HDAC4: variants seen among roughly 807,000 people sequenced by gnomAD.
The protein encoded by HDAC4 is histone deacetylase 4, also known as histone deacetylase A.
In HDAC4, 16 loss-of-function variants were observed where a neutral mutation model predicts 135.1. That is an observed-to-expected ratio of 0.12 (90% CI 0.08 to 0.18). The LOEUF (loss-of-function observed/expected upper bound fraction) is 0.18. Among genes scored for constraint, HDAC4 ranks in the 10% least tolerant of loss-of-function variants. The pLI is 1.00. For synonymous variants in HDAC4, 685 were observed against 653.4 expected, an observed-to-expected ratio of 1.05 and a Z score of -0.74; for missense variants, 1,143 against 1,511.8, an observed-to-expected ratio of 0.76 and a Z score of 4.05.
intron 2 of HDAC4, among the ~76,000 whole-genome samples, chr2:239,237,312 G>A (rs1169998384): frequency 6.6e-6 from 1 of 152,012 alleles, no homozygotes; most frequent in Non-Finnish European, 1.5e-5. Flanking sequence ...GATTTAGACC[G>A]CCTGGGATTT....
At chr2:239,140,479 C>G (rs572746603) in intron 8 of HDAC4, among the ~76,000 whole-genome samples, 1 of 152,204 alleles carries the variant, frequency 6.6e-6, no homozygotes, top group African/African-American at 2.4e-5. Flanking sequence ...ATTTTGGGCA[C>G]ACACATCCAC....
rs183904495 is a variant in HDAC4, at chr2:239,391,315, C to A, written c.-220+9663G>T. On this transcript the variant is annotated intron_variant, in intron 1 of 26. Transcript: ENST00000543185. ...CAGTCCCTGCAAGGACAAAGGCAGACGAGAGCTTGTTCTCAAACTGTACTA... is the reference window on the plus strand; with the variant it reads ...CAGTCCCTGCAAGGACAAAGGCAGAAGAGAGCTTGTTCTCAAACTGTACTA... Among the ~76,000 whole-genome samples the A allele has an allele frequency of 5.3e-5, 8 of 152,308 alleles. No individual in the cohort carries two copies. In the South Asian group the frequency reaches 1.0e-3, roughly 20 times the overall value.
chr2:239,147,079 G>A (rs969115156), intron 7 of HDAC4, among the ~76,000 whole-genome samples: 3 of 152,214 alleles, frequency 2.0e-5, no homozygotes, highest in African/African-American at 7.2e-5. Flanking sequence ...TGACTCCCCC[G>A]CAGAACCTAT....
chr2:239,105,438 G>A (rs966181913), intron 15 of HDAC4, among the ~76,000 whole-genome samples: 3 of 152,220 alleles, frequency 2.0e-5, no homozygotes, highest in South Asian at 2.1e-4. Flanking sequence ...TGCTCAGAAC[G>A]TGTGAGGCAG....
intron 3 of HDAC4, among the ~76,000 whole-genome samples, chr2:239,195,144 C>T (rs2045290931): frequency 6.6e-6 from 1 of 152,168 alleles, no homozygotes; most frequent in Non-Finnish European, 1.5e-5. Context: ...TCGCTGTTCT[C>T]ACTACGGCAC....
At chr2:239,178,672 C>G (rs754859876) in intron 4 of HDAC4, among the ~76,000 whole-genome samples, 2 of 152,238 alleles carry the variant, frequency 1.3e-5, no homozygotes. Flanking sequence ...GCGTGAGCTG[C>G]CTCACCCGGC....
rs1160357359 is a variant in HDAC4, at chr2:239,053,396, AGT to A, written c.3230+62_3230+63del. On this transcript the variant is annotated intron_variant, in intron 26 of 26. Coordinates refer to ENST00000543185, the MANE Select transcript of HDAC4 (RefSeq NM_001378414.1). ...TGCCATAAAGGTTCTGACCCTGAAT[AGT>A]GTGTCAGTGGGCACAGTGGGGCTGG... 9 of 1,581,004 alleles carry A rather than the reference AGT, an allele frequency of 5.7e-6. 1 individual carries two copies. The East Asian group carries it at 1.3e-4, about 24-fold the overall frequency.
intron 2 of HDAC4, among the ~76,000 whole-genome samples, chr2:239,286,408 A>T (rs1011174272): frequency 2.0e-5 from 3 of 152,190 alleles, no homozygotes; most frequent in African/African-American, 7.2e-5. Context: ...AAAATACAAA[A>T]ATGAAGGAGA....
intron 15 of HDAC4, among the ~76,000 whole-genome samples, chr2:239,104,071 A>C (rs1369416509): frequency 6.6e-6 from 1 of 152,190 alleles, no homozygotes; most frequent in Non-Finnish European, 1.5e-5. Flanking sequence ...TCCGGTGGTA[A>C]AAAACGACTC....
intron 6 of HDAC4, among the ~76,000 whole-genome samples, chr2:239,162,865 T>A (rs886986801): frequency 6.6e-6 from 1 of 152,176 alleles, no homozygotes. Context: ...GGGGTCTCAC[T>A]ACACATAGCT....
intron 2 of HDAC4, among the ~76,000 whole-genome samples, chr2:239,253,184 T>C (rs1207382875): frequency 6.6e-6 from 1 of 152,242 alleles, no homozygotes; most frequent in Middle Eastern, 3.2e-3. Flanking sequence ...CTTGTACCAC[T>C]GCGTTAGCGT....
At chr2:239,230,501 A>G (rs2047489450) in intron 3 of HDAC4, among the ~76,000 whole-genome samples, 1 of 151,762 alleles carries the variant, frequency 6.6e-6, no homozygotes, top group Non-Finnish European at 1.5e-5. Flanking sequence ...CCTCAAAGAC[A>G]CTTCCCTGAT....
intron 11 of HDAC4, among the ~76,000 whole-genome samples, chr2:239,129,379 A>G (rs991418696): frequency 1.3e-5 from 2 of 152,222 alleles, no homozygotes; most frequent in Admixed American, 6.5e-5. Flanking sequence ...ACTTTTGAGC[A>G]TAAGTCCATC....
intron 11 of HDAC4, among the ~76,000 whole-genome samples, chr2:239,129,666 G>A (rs1322245486): frequency 3.9e-5 from 6 of 152,298 alleles, no homozygotes; most frequent in East Asian, 3.9e-4. Context: ...TATGGCTGCC[G>A]GCTCCTGCTC....
chr2:239,118,635 G>A (rs1261222659), intron 12 of HDAC4, among the ~76,000 whole-genome samples: 2 of 152,210 alleles, frequency 1.3e-5, no homozygotes, highest in African/African-American at 4.8e-5. Context: ...GTGAGGCCAA[G>A]GGGGCATGGA....
At chr2:239,373,218 G>A (rs539971636) in intron 1 of HDAC4, among the ~76,000 whole-genome samples, 2 of 152,264 alleles carry the variant, frequency 1.3e-5, no homozygotes, top group African/African-American at 4.8e-5. Flanking sequence ...AGCCATGCCC[G>A]ACACTGCTGC....
intron 6 of HDAC4, among the ~76,000 whole-genome samples, chr2:239,159,253 C>T (rs1486698813): frequency 6.6e-6 from 1 of 150,400 alleles, no homozygotes; most frequent in African/African-American, 2.5e-5. Flanking sequence ...ACGCTCGCAC[C>T]TACACTACTC....
chr2:239,204,166 G>T (rs2045913811), intron 3 of HDAC4, among the ~76,000 whole-genome samples: 2 of 152,182 alleles, frequency 1.3e-5, no homozygotes, highest in Admixed American at 1.3e-4. Flanking sequence ...CGGCTTCTGT[G>T]AACCTGTGAG....
In HDAC4 at chr2:239,103,016, A is replaced by G; in HGVS notation, c.2113-120T>C. Reference sequence around the variant, plus strand: ...GGAAACTTAATTTGATACAAAAACAAGCATGTTATTTGGTTACTGCAAAAG... The same window carrying G: ...GGAAACTTAATTTGATACAAAAACAGGCATGTTATTTGGTTACTGCAAAAG... On this transcript the variant is annotated intron_variant, in intron 15 of 26. Transcript: ENST00000543185. The G allele has an allele frequency of 3.2e-6, 4 of 1,250,028 alleles. No homozygotes were observed. The Middle Eastern group carries it at 7.8e-4, about 242-fold the overall frequency. 77.4% of individuals were successfully genotyped at this position (1,250,028 alleles called of 1,614,324 possible).
Sources: gnomAD v4.1 joint callset for allele counts (sites outside exome capture counted in the v4.1 genomes callset) on GRCh38, gnomAD v4.1.1 for gene constraint, MANE v1.5 for transcripts, NCBI Gene and HGNC (gene_info 2026-07-23, HGNC 2026-07-21) for gene names.